EXOC4: variants seen among roughly 807,000 people sequenced by gnomAD.
The protein encoded by EXOC4 is exocyst complex component 4.
A neutral mutation model predicts 107.2 loss-of-function variants in EXOC4; 71 were observed. The observed-to-expected ratio is 0.66, with a 90% CI of 0.55 to 0.81. The LOEUF (loss-of-function observed/expected upper bound fraction) is 0.81. Among genes scored for constraint, EXOC4 ranks in the 30% least tolerant of loss-of-function variants. The pLI, the probability that EXOC4 is intolerant of heterozygous loss-of-function variation, is 0.00. For missense variants in EXOC4, 1,108 were observed against 1,189.6 expected, an observed-to-expected ratio of 0.93 and a Z score of 1.01; for synonymous variants, 456 against 441.2, an observed-to-expected ratio of 1.03 and a Z score of -0.42.
the EXOC4 span, among the ~76,000 whole-genome samples, chr7:134,078,061 A>G: frequency 6.6e-6 from 1 of 152,168 alleles, no homozygotes; most frequent in African/African-American, 2.4e-5. Flanking sequence ...AAGTCAGCCT[A>G]ATACAGGAAA....
chr7:133,304,294 T>C (rs1194908471), intron 3 of EXOC4, among the ~76,000 whole-genome samples: 1 of 152,226 alleles, frequency 6.6e-6, no homozygotes, highest in Non-Finnish European at 1.5e-5. Flanking sequence ...AATTTGTTGT[T>C]GTTTTTTCCT....
At chr7:133,293,035 T>C (rs1794442178) in intron 3 of EXOC4, among the ~76,000 whole-genome samples, 1 of 152,226 alleles carries the variant, frequency 6.6e-6, no homozygotes, top group African/African-American at 2.4e-5. Context: ...AGCTAATATG[T>C]ATTGAGCACT....
chr7:134,007,420 A>G (rs758805814), intron 16 of EXOC4, among the ~76,000 whole-genome samples: 12 of 152,328 alleles, frequency 7.9e-5, no homozygotes, highest in African/African-American at 2.9e-4. Context: ...GTAGGTGTAC[A>G]TGGCAATGCT....
intron 14 of EXOC4, among the ~76,000 whole-genome samples, chr7:133,985,827 A>C (rs1794101396): frequency 6.6e-6 from 1 of 152,178 alleles, no homozygotes; most frequent in Admixed American, 6.6e-5. Flanking sequence ...CAGCACATAT[A>C]ATTAAGACAC....
rs1370982220 is a variant in EXOC4 at position 133,423,026 on chromosome 7, G to A, written c.1182+48024G>A. Among the ~76,000 whole-genome samples the A allele has an allele frequency of 2.7e-4, 2 of 7,426 alleles. 1 individual carries two copies. The highest frequency in any genetic ancestry group is 2.2e-3 in the African/African-American group (2 of 924). The allele number at this position is 7,426 out of a possible 152,430, so 4.9% of individuals were successfully genotyped here. Reference sequence around the variant, plus strand: ...GAGGTCAGGAGATCGAGACCATCCTGGCTAACAAGGTGAAACCCCGTCTCT... The same window carrying A: ...GAGGTCAGGAGATCGAGACCATCCTAGCTAACAAGGTGAAACCCCGTCTCT... On this transcript the variant is annotated intron_variant, in intron 7 of 17. Transcript: ENST00000253861.
chr7:133,548,022 A>G (rs1222795900), intron 9 of EXOC4, among the ~76,000 whole-genome samples: 1 of 130,418 alleles, frequency 7.7e-6, no homozygotes, highest in Admixed American at 7.2e-5. Context: ...GTCTTATGAA[A>G]TGTGTTTTTT....
intron 10 of EXOC4, among the ~76,000 whole-genome samples, chr7:133,637,428 G>A (rs528985701): frequency 2.6e-5 from 4 of 152,258 alleles, no homozygotes; most frequent in African/African-American, 9.6e-5. Context: ...ATTATTCTCA[G>A]TGTTCACAGG....
chr7:133,447,574 G>A (rs1008923859), intron 7 of EXOC4, among the ~76,000 whole-genome samples: 10 of 151,444 alleles, frequency 6.6e-5, no homozygotes, highest in Admixed American at 4.6e-4. Context: ...CAACATATTG[G>A]GAGTACAAAA....
At position 133,787,765 on chromosome 7, in the gene EXOC4, A is replaced by G. The variant is rs191118106; in HGVS notation, c.1515-29560A>G. On this transcript the variant is annotated intron_variant, in intron 10 of 17. Coordinates refer to ENST00000253861, the MANE Select transcript of EXOC4 (RefSeq NM_021807.4). Reference sequence around the variant, plus strand: ...CTGTTATGAGGGCTCCATCCTCATAATCTTATATAAACCTAATTAACTCCC... The same window carrying G: ...CTGTTATGAGGGCTCCATCCTCATAGTCTTATATAAACCTAATTAACTCCC... Among the ~76,000 whole-genome samples the G allele has an allele frequency of 2.2e-3, 331 of 150,982 alleles. 2 individuals carry two copies. The highest frequency in any genetic ancestry group is 7.4e-3 in the African/African-American group (304 of 41,144).
intron 10 of EXOC4, among the ~76,000 whole-genome samples, chr7:133,759,782 A>G (rs1389856208): frequency 6.6e-6 from 1 of 152,180 alleles, no homozygotes; most frequent in Non-Finnish European, 1.5e-5. Flanking sequence ...AAAGGTTATC[A>G]GTCCTTGGAT....
intron 10 of EXOC4, among the ~76,000 whole-genome samples, chr7:133,790,763 G>A (rs140587422): frequency 1.3e-5 from 2 of 152,352 alleles, no homozygotes; most frequent in East Asian, 3.9e-4. Context: ...TGCAGGTAGA[G>A]TTTCATGCTG....
At chr7:133,388,126 A>G (rs1796769893) in intron 7 of EXOC4, among the ~76,000 whole-genome samples, 1 of 152,124 alleles carries the variant, frequency 6.6e-6, no homozygotes, top group African/African-American at 2.4e-5. Context: ...TTTTGTTTTT[A>G]CTATGGAAAA....
At position 133,300,498 on chromosome 7, in the gene EXOC4, T is replaced by C. The variant is rs528315361; in HGVS notation, c.472-5379T>C. 1.8e-4 allele frequency among the ~76,000 whole-genome samples: 28 copies of C among 152,292 alleles called. No homozygotes were observed. In the South Asian group the frequency reaches 2.9e-3, roughly 16 times the overall value. On this transcript the variant is annotated intron_variant, in intron 3 of 17. Transcript: ENST00000253861. The stretch of plus-strand genomic sequence containing the variant: ...TTCCCTTTCACGTCCCATACTCTTA[T>C]TCCCCCGACCACCATTTGTACATGA...
chr7:133,745,333 T>C (rs775116715), intron 10 of EXOC4, among the ~76,000 whole-genome samples: 21 of 152,146 alleles, frequency 1.4e-4, no homozygotes, highest in Non-Finnish European at 2.6e-4. Context: ...TCTCAACTGT[T>C]CTTTTAATTA....
rs1250589778 is a variant in EXOC4, at chr7:134,064,586, G to A, written c.*58G>A. On this transcript the variant is annotated 3_prime_UTR_variant, in exon 18 of 18. Transcript: ENST00000253861. Reference sequence around the variant, plus strand: ...CTCAGTCACACTCACTTTTTTCCTTGGTATGTTATTGAGTATATTCTGAGC... The same window carrying A: ...CTCAGTCACACTCACTTTTTTCCTTAGTATGTTATTGAGTATATTCTGAGC... The A allele has an allele frequency of 1.7e-6, 2 of 1,193,316 alleles. No homozygotes were observed. Among genetic ancestry groups the A allele is most frequent in the Non-Finnish European group, 2.4e-6 (2 of 843,678 alleles). 73.9% of individuals were successfully genotyped at this position (1,193,316 alleles called of 1,614,324 possible).
At chr7:133,763,334 G>A (rs951967921) in intron 10 of EXOC4, among the ~76,000 whole-genome samples, 1 of 152,028 alleles carries the variant, frequency 6.6e-6, no homozygotes, top group African/African-American at 2.4e-5. Flanking sequence ...TAAAATTCCT[G>A]TCTGTATCCC....
At chr7:133,955,455 T>C (rs1800795205) in intron 14 of EXOC4, among the ~76,000 whole-genome samples, 1 of 152,156 alleles carries the variant, frequency 6.6e-6, no homozygotes, top group Non-Finnish European at 1.5e-5. Context: ...TGTCGAGTGC[T>C]TAAGTCTGGC....
chr7:134,015,832 G>C (rs1013111676), intron 17 of EXOC4, among the ~76,000 whole-genome samples: 1 of 146,516 alleles, frequency 6.8e-6, no homozygotes, highest in Admixed American at 6.9e-5. Flanking sequence ...CTGAGATCAC[G>C]CCACTGCACT....
intron 9 of EXOC4, among the ~76,000 whole-genome samples, chr7:133,624,908 T>A (rs200742299): frequency 8.2e-5 from 12 of 146,390 alleles, no homozygotes; most frequent in Non-Finnish European, 6.0e-5. Context: ...TCATCTCTTA[T>A]AAAAAAAAAA....
Sources: allele counts gnomAD v4.1 joint callset (sites outside exome capture counted in the v4.1 genomes callset), GRCh38; gene constraint gnomAD v4.1.1; transcripts MANE v1.5; gene names NCBI Gene and HGNC (gene_info 2026-07-23, HGNC 2026-07-21).